KCNMA1: variants seen among roughly 807,000 people sequenced by gnomAD.
KCNMA1 encodes the protein Calcium-activated potassium channel subunit alpha-1.
A neutral mutation model predicts 140.0 loss-of-function variants in KCNMA1; 29 were observed. The observed-to-expected ratio is 0.21, with a 90% CI of 0.15 to 0.28. The LOEUF (loss-of-function observed/expected upper bound fraction) is 0.28. Ranked by LOEUF, KCNMA1 falls within the 10% of genes least tolerant of loss-of-function variation. KCNMA1 has a pLI of 1.00. For synonymous variants in KCNMA1, 612 were observed against 611.9 expected (o/e 1.00, Z 0.00); for missense variants, 880 against 1,602.2 (o/e 0.55, Z 7.70).
At chr10:76,955,864 T>A (rs4980118) in intron 20 of KCNMA1, among the ~76,000 whole-genome samples, 1 of 151,968 alleles carries the variant, frequency 6.6e-6, no homozygotes. Context: ...TTCCAGCCCA[T>A]GAAGAACATA....
chr10:76,877,927 G>T, intron 29 of KCNMA1: 1 of 1,592,080 alleles, frequency 6.3e-7, no homozygotes, highest in Non-Finnish European at 8.6e-7. Flanking sequence ...ACAAGAAGGA[G>T]AAATGAGAAG....
At chr10:77,179,672 G>C (rs2098787008) in intron 5 of KCNMA1, among the ~76,000 whole-genome samples, 1 of 152,202 alleles carries the variant, frequency 6.6e-6, no homozygotes, top group African/African-American at 2.4e-5. Context: ...CAGAGGAAGA[G>C]TGTGGACATA....
intron 24 of KCNMA1, 110 bp downstream of exon 24, chr10:76,914,826 C>T (rs912682943): frequency 1.3e-5 from 11 of 827,030 alleles, no homozygotes; most frequent in Non-Finnish European, 2.1e-5. Flanking sequence ...AAACAAACCC[C>T]ATAGCAGCTA....
chr10:77,428,454 G>A (rs750766776), intron 1 of KCNMA1, among the ~76,000 whole-genome samples: 9 of 152,226 alleles, frequency 5.9e-5, no homozygotes, highest in East Asian at 3.8e-4. Flanking sequence ...GACTGTTCAC[G>A]TGGCCCAGTG....
At chr10:76,995,605 T>C (rs778942847) in intron 19 of KCNMA1, 1 of 470,936 alleles carries the variant, frequency 2.1e-6, no homozygotes, top group South Asian at 1.5e-5. Flanking sequence ...GGATGGAAGA[T>C]GAGGAGCTAA....
intron 1 of KCNMA1, among the ~76,000 whole-genome samples, chr10:77,562,295 T>A (rs1401029322): frequency 6.6e-6 from 1 of 152,224 alleles, no homozygotes; most frequent in Non-Finnish European, 1.5e-5. Flanking sequence ...CAGATTTTTT[T>A]TAGTAAGCAC....
rs2063622254 is a variant in KCNMA1 at position 77,266,963 on chromosome 10, GAA to G, written c.541-15709_541-15708del. 3.3e-5 allele frequency among the ~76,000 whole-genome samples: 5 copies of G among 152,318 alleles called. No homozygotes were observed. In the South Asian group the frequency reaches 1.0e-3, roughly 32 times the overall value. On this transcript the variant is annotated intron_variant, in intron 2 of 27. Transcript: ENST00000286628. ...CTTGCCCTCATGAACCTTACAGTCT[GAA>G]GTAGGGACAGACACTCAACAAATGA...
At chr10:77,451,357 A>T (rs1170372909) in intron 1 of KCNMA1, among the ~76,000 whole-genome samples, 1 of 152,180 alleles carries the variant, frequency 6.6e-6, no homozygotes, top group Non-Finnish European at 1.5e-5. Flanking sequence ...TGATCTGACC[A>T]CCAGCGAGAG....
intron 23 of KCNMA1, among the ~76,000 whole-genome samples, chr10:76,940,625 G>C (rs140484912): frequency 6.6e-6 from 1 of 152,224 alleles, no homozygotes; most frequent in East Asian, 1.9e-4. Flanking sequence ...GGAAAGCAAG[G>C]TGTCAGTGGC....
At chr10:77,468,942 G>A (rs1432146144) in intron 1 of KCNMA1, among the ~76,000 whole-genome samples, 4 of 152,074 alleles carry the variant, frequency 2.6e-5, no homozygotes, top group Admixed American at 2.0e-4. Context: ...ACTCTTCTGT[G>A]TGAGAAAAGA....
chr10:77,482,818 C>T (rs907479682), intron 1 of KCNMA1, among the ~76,000 whole-genome samples: 4 of 151,968 alleles, frequency 2.6e-5, no homozygotes, highest in Non-Finnish European at 5.9e-5. Flanking sequence ...TCTCAGCTAC[C>T]CCAAAATGCC....
chr10:77,441,752 G>C (rs1422358808), intron 1 of KCNMA1, among the ~76,000 whole-genome samples: 1 of 152,096 alleles, frequency 6.6e-6, no homozygotes, highest in Non-Finnish European at 1.5e-5. Context: ...CCACCAGCTA[G>C]ATGGCCCCTT....
At chr10:77,010,821 C>T (rs900787990) in intron 18 of KCNMA1, among the ~76,000 whole-genome samples, 1 of 151,794 alleles carries the variant, frequency 6.6e-6, no homozygotes, top group Non-Finnish European at 1.5e-5. Flanking sequence ...TGCTTGTGAA[C>T]AAGGATTTTA....
intron 2 of KCNMA1, among the ~76,000 whole-genome samples, chr10:77,391,644 GTTT>G (rs750547902): frequency 1.5e-5 from 2 of 134,830 alleles, no homozygotes; most frequent in African/African-American, 5.7e-5. Flanking sequence ...TTGTTTGTTT[GTTT>G]TTTTCTGGAA....
At chr10:77,276,043 C>T (rs1262509021) in intron 2 of KCNMA1, among the ~76,000 whole-genome samples, 1 of 152,228 alleles carries the variant, frequency 6.6e-6, no homozygotes, top group African/African-American at 2.4e-5. Context: ...CACCTCTCCA[C>T]ATTCACAGGG....
chr10:77,406,127 T>C (rs1287383207), intron 1 of KCNMA1, among the ~76,000 whole-genome samples: 1 of 152,194 alleles, frequency 6.6e-6, no homozygotes, highest in African/African-American at 2.4e-5. Context: ...GTGTGGGACC[T>C]GCTGCCCAAG....
Position 77,229,528 on chromosome 10 carries a change from C to T in KCNMA1, c.602+21667G>A, listed in dbSNP as rs373210934. On this transcript the variant is annotated intron_variant, in intron 3 of 27. Transcript: ENST00000286628. ...AGGAGCTTCACTCATCTCTTCACCC[C>T]AGTATATTATTGCTGTTGTATGGAT... 1.3e-4 allele frequency among the ~76,000 whole-genome samples: 20 copies of T among 152,272 alleles called. No individual in the cohort carries two copies. In the South Asian group the frequency reaches 4.1e-3, roughly 32 times the overall value.
At chr10:77,339,964 C>T (rs1447510482) in intron 2 of KCNMA1, among the ~76,000 whole-genome samples, 1 of 152,200 alleles carries the variant, frequency 6.6e-6, no homozygotes, top group Admixed American at 6.5e-5. Context: ...ACTATCTTGA[C>T]ATGATGTAGC....
downstream of KCNMA1, chr10:76,877,670 G>T: frequency 6.9e-7 from 1 of 1,453,478 alleles, no homozygotes; most frequent in Non-Finnish European, 9.4e-7. Flanking sequence ...CAGCATGTAA[G>T]AAGAAAAGTC....
Sources: gnomAD v4.1 joint callset for allele counts (sites outside exome capture counted in the v4.1 genomes callset) on GRCh38, gnomAD v4.1.1 for gene constraint, MANE v1.5 for transcripts, NCBI Gene and HGNC (gene_info 2026-07-23, HGNC 2026-07-21) for gene names.